Variants in PAPPA observed in about 807,000 individuals in gnomAD.
The protein encoded by PAPPA is pappalysin-1.
PAPPA carries 60 observed loss-of-function variants against 164.0 expected under a neutral mutation model. The observed-to-expected ratio is 0.37, with a 90% CI of 0.30 to 0.45. The LOEUF (loss-of-function observed/expected upper bound fraction) is 0.45, where lower values mean the gene tolerates loss of function less well. Among genes scored for constraint, PAPPA ranks in the 20% least tolerant of loss-of-function variants. The probability of loss-of-function intolerance (pLI) is 1.00; values close to 1 mark genes in which losing one functional copy is unlikely to be tolerated. For missense variants in PAPPA, 1,782 were observed against 2,087.3 expected, an observed-to-expected ratio of 0.85 and a Z score of 2.85; for synonymous variants, 875 against 814.1, an observed-to-expected ratio of 1.07 and a Z score of -1.27.
At chr9:116,376,979 T>C in intron 19 of PAPPA, among the ~76,000 whole-genome samples, 1 of 152,092 alleles carries the variant, frequency 6.6e-6, no homozygotes, top group East Asian at 1.9e-4. Flanking sequence ...CTGCAAGGCT[T>C]GCTAAAATGC....
At chr9:116,297,916 T>G (rs1845529521) in intron 9 of PAPPA, among the ~76,000 whole-genome samples, 3 of 152,172 alleles carry the variant, frequency 2.0e-5, no homozygotes, top group Admixed American at 2.0e-4. Flanking sequence ...AAGTCTAAAA[T>G]GTAATTTTGT....
intron 13 of PAPPA, 56 bp from the exon 14 acceptor site, chr9:116,344,487 G>A: frequency 1.9e-6 from 3 of 1,550,530 alleles, no homozygotes; most frequent in Non-Finnish European, 2.6e-6. Context: ...TCTTCCAACT[G>A]AGCATAGCTG....
intron 13 of PAPPA, among the ~76,000 whole-genome samples, chr9:116,336,522 G>A (rs1846063853): frequency 6.6e-6 from 1 of 152,170 alleles, no homozygotes. Flanking sequence ...AAATCCACTA[G>A]ACCTTTTCCA....
rs1044198197 is a variant in PAPPA at position 116,401,745 on chromosome 9, T to G, written c.*5129T>G. ...TTATTATGGGTATTTCTAATTAATA[T>G]GATGTTGAAACCTGTTTGGCACCTT... On this transcript the variant is annotated 3_prime_UTR_variant, in exon 22 of 22. Coordinates refer to ENST00000328252, the MANE Select transcript of PAPPA (RefSeq NM_002581.5). The G allele has an allele frequency of 6.6e-6, 1 of 151,370 alleles. No individual in the cohort carries two copies. Among genetic ancestry groups the G allele is most frequent in the African/African-American group, 2.4e-5 (1 of 41,268 alleles). 9.4% of individuals were successfully genotyped at this position (151,370 alleles called of 1,614,324 possible).
chr9:116,159,011 ATC>A (rs938895336), intron 1 of PAPPA, among the ~76,000 whole-genome samples: 1 of 152,204 alleles, frequency 6.6e-6, no homozygotes, highest in African/African-American at 2.4e-5. Flanking sequence ...TCCTTTCTGC[ATC>A]TCTATGTGTC....
chr9:116,331,153 A>T, intron 10 of PAPPA, 91 bp from the exon 11 acceptor site: 1 of 787,082 alleles, frequency 1.3e-6, no homozygotes, highest in Non-Finnish European at 2.1e-6. Flanking sequence ...CAAGAGCAAA[A>T]TAGGTGAACA....
chr9:116,233,160 A>T (rs1844619065), intron 6 of PAPPA, among the ~76,000 whole-genome samples: 1 of 152,230 alleles, frequency 6.6e-6, no homozygotes, highest in Non-Finnish European at 1.5e-5. Context: ...CTATGTGAAT[A>T]CTCTATGGAC....
chr9:116,332,578 T>C, intron 12 of PAPPA, 110 bp downstream of exon 12: 2 of 988,480 alleles, frequency 2.0e-6, no homozygotes, highest in Non-Finnish European at 3.0e-6. Flanking sequence ...CTTTTTCCCC[T>C]TTCTTGCTTC....
At chr9:116,371,417 G>A (rs1294403176) in intron 19 of PAPPA, among the ~76,000 whole-genome samples, 1 of 151,934 alleles carries the variant, frequency 6.6e-6, no homozygotes, top group Non-Finnish European at 1.5e-5. Flanking sequence ...ACTCTGTCTC[G>A]AATAATAATA....
chr9:116,396,426 G>GTGAT, intron 21 of PAPPA, 83 bp from the exon 22 acceptor site: 1 of 754,208 alleles, frequency 1.3e-6, no homozygotes, highest in South Asian at 1.4e-5. Context: ...CTCAAATCCA[G>GTGAT]TGATTGTATC....
At chr9:116,316,464 G>T (rs556729315) in intron 10 of PAPPA, 2 of 152,248 alleles carry the variant, frequency 1.3e-5, no homozygotes, top group Admixed American at 6.5e-5. Context: ...CCCTGCGTTT[G>T]TGCAGATGTC....
At chr9:116,344,790 A>C (rs1846186559) in intron 14 of PAPPA, 79 bp downstream of exon 14, 1 of 1,296,770 alleles carries the variant, frequency 7.7e-7, no homozygotes. Flanking sequence ...TCTCTGCTAA[A>C]TACCCAGCAG....
At chr9:116,211,589 C>G (rs753080013) in intron 3 of PAPPA, 50 bp from the exon 4 acceptor site, 1 of 1,550,480 alleles carries the variant, frequency 6.4e-7, no homozygotes, top group Non-Finnish European at 8.9e-7. Context: ...GTTCTTGCAC[C>G]AAGAAGCAGA....
chr9:116,156,939 C>T (rs1181122543), intron 1 of PAPPA, among the ~76,000 whole-genome samples: 1 of 152,224 alleles, frequency 6.6e-6, no homozygotes, highest in African/African-American at 2.4e-5. Context: ...GCGGCGACCT[C>T]AGGTGCCCAG....
chr9:116,156,498 G>A (rs1388196518), intron 1 of PAPPA, among the ~76,000 whole-genome samples: 1 of 151,740 alleles, frequency 6.6e-6, no homozygotes, highest in African/African-American at 2.4e-5. Context: ...ACTTTAATTG[G>A]ATGGGGGGCG....
intron 7 of PAPPA, among the ~76,000 whole-genome samples, chr9:116,251,960 A>T (rs1844865059): frequency 6.6e-6 from 1 of 152,190 alleles, no homozygotes; most frequent in African/African-American, 2.4e-5. Context: ...TATAATTTCC[A>T]CATTGTCCCT....
intron 17 of PAPPA, among the ~76,000 whole-genome samples, chr9:116,354,830 A>C (rs989762844): frequency 6.6e-6 from 1 of 152,030 alleles, no homozygotes; most frequent in African/African-American, 2.4e-5. Flanking sequence ...CAATTATGTC[A>C]ATCTCTCTGA....
chr9:116,182,356 T>C (rs1198848761), intron 1 of PAPPA, among the ~76,000 whole-genome samples: 1 of 152,128 alleles, frequency 6.6e-6, no homozygotes, highest in African/African-American at 2.4e-5. Flanking sequence ...AGATTTTGGG[T>C]TGGATGTTAG....
chr9:116,154,561 G>C lies in PAPPA; in HGVS notation c.389G>C (p.Gly130Ala). The change falls in exon 1 of 22, where the codon GGC becomes GCC. Residue 130 changes from glycine (G) to alanine (A), a missense_variant. This residue lies in a region of PAPPA where 458 missense variants were observed against 430.3 expected (regional missense o/e 1.06). Transcript: ENST00000328252. This position sits in a 1 kb window ranked among gnomAD's most constrained non-coding sequence, Gnocchi z 5.2. ...CAAGTGTGGCTGCGAGCGGAGGGGG[G>C]CCAGAGGTCTCCGGCAGTGATCACA... ...TLQVWLRAEG[G>A]QRSPAVITGL... The C allele has an allele frequency of 7.1e-7, 1 of 1,405,058 alleles. No individual in the cohort carries two copies. Among genetic ancestry groups the C allele is most frequent in the Non-Finnish European group, 9.3e-7 (1 of 1,077,504 alleles). 87.0% of individuals were successfully genotyped at this position (1,405,058 alleles called of 1,614,324 possible). A position where few individuals can be genotyped will look rare whatever the true frequency, so the allele number is the denominator to read the frequency against.
Sources: allele counts gnomAD v4.1 joint callset (sites outside exome capture counted in the v4.1 genomes callset), GRCh38; gene constraint gnomAD v4.1.1; regional missense constraint gnomAD v4.1.1; non-coding constraint Gnocchi (gnomAD v3.1); transcripts MANE v1.5; gene names NCBI Gene and HGNC (gene_info 2026-07-23, HGNC 2026-07-21).